TRABD2A: variants seen among roughly 807,000 people sequenced by gnomAD.
TRABD2A encodes the protein TraB domain containing 2A, also known as metalloprotease TIKI1.
Under a neutral mutation model 45.6 loss-of-function variants are expected in TRABD2A, and 43 were observed. The observed-to-expected ratio is 0.94, with a 90% CI of 0.74 to 1.22. TRABD2A has a LOEUF of 1.22. Among genes scored for constraint, TRABD2A ranks in the 50% most tolerant of loss-of-function variants. The pLI, the probability that TRABD2A is intolerant of heterozygous loss-of-function variation, is 0.00. For missense variants in TRABD2A, 642 were observed against 652.4 expected, an observed-to-expected ratio of 0.98 and a Z score of 0.17; for synonymous variants, 269 against 265.0, an observed-to-expected ratio of 1.02 and a Z score of -0.15.
At chr2:84,841,179 C>T (rs1438479978) in intron 3 of TRABD2A, among the ~76,000 whole-genome samples, 1 of 152,212 alleles carries the variant, frequency 6.6e-6, no homozygotes, top group Admixed American at 6.5e-5. Context: ...GGCGAAGGCA[C>T]CATGGCTTGT....
chr2:84,872,290 C>T (rs1682891725), intron 1 of TRABD2A, among the ~76,000 whole-genome samples: 1 of 152,204 alleles, frequency 6.6e-6, no homozygotes, highest in African/African-American at 2.4e-5. Context: ...AGGCAGATCA[C>T]TTGAGCTCAG....
chr2:84,832,725 G>A (rs1014205782), intron 4 of TRABD2A: 37 of 152,618 alleles, frequency 2.4e-4, no homozygotes, highest in Admixed American at 1.1e-3. Context: ...ACTTGAACCC[G>A]GGAGGCAGAG....
chr2:84,868,771 G>A (rs1200661579), intron 2 of TRABD2A, among the ~76,000 whole-genome samples: 1 of 152,142 alleles, frequency 6.6e-6, no homozygotes, highest in Non-Finnish European at 1.5e-5. Flanking sequence ...TTCCCCAATT[G>A]GGAGTATGAA....
At chr2:84,866,032 C>G (rs1190641258) in intron 2 of TRABD2A, among the ~76,000 whole-genome samples, 2 of 152,202 alleles carry the variant, frequency 1.3e-5, no homozygotes, top group African/African-American at 4.8e-5. Flanking sequence ...CCTGAGATGA[C>G]AAGATCAAAT....
intron 5 of TRABD2A, among the ~76,000 whole-genome samples, chr2:84,826,483 G>A (rs1487305821): frequency 6.6e-6 from 1 of 152,146 alleles, no homozygotes; most frequent in Admixed American, 6.5e-5. Context: ...TGAAGACCAG[G>A]GGGAGGAAAC....
chr2:84,842,043 G>A, intron 2 of TRABD2A, 36 bp from the exon 3 acceptor site: 1 of 1,444,120 alleles, frequency 6.9e-7, no homozygotes, highest in South Asian at 1.5e-5. Context: ...CACTAACAAG[G>A]CAACTGTTTG....
At chr2:84,877,259 A>T (rs1330646011) in intron 1 of TRABD2A, among the ~76,000 whole-genome samples, 1 of 151,858 alleles carries the variant, frequency 6.6e-6, no homozygotes, top group African/African-American at 2.4e-5. Context: ...TGCCTCTCTC[A>T]TACTGATATC....
intron 4 of TRABD2A, chr2:84,836,995 T>TG (rs1681536589): frequency 6.9e-6 from 1 of 143,988 alleles, no homozygotes; most frequent in Non-Finnish European, 1.5e-5. Context: ...GGTTTTTTTT[T>TG]TTTTTTTTTT....
At chr2:84,878,855 T>G (rs1234579028) in intron 1 of TRABD2A, among the ~76,000 whole-genome samples, 1 of 152,208 alleles carries the variant, frequency 6.6e-6, no homozygotes, top group Non-Finnish European at 1.5e-5. Flanking sequence ...ATACAGCATG[T>G]GTGCCGCTGA....
chr2:84,826,952 A>G lies in TRABD2A; in HGVS notation c.1083-2748T>C, dbSNP rs371029021. On this transcript the variant is annotated intron_variant, in intron 5 of 6. Coordinates refer to ENST00000409520, the MANE Select transcript of TRABD2A (RefSeq NM_001277053.2). The stretch of plus-strand genomic sequence containing the variant: ...ATTAGTGTCACTGTAATCTCCAGGG[A>G]GATCCTACAGACAAATGCTCACATG... Among the ~76,000 whole-genome samples the G allele has an allele frequency of 4.5e-4, 69 of 152,366 alleles. 1 individual carries two copies. The highest frequency in any genetic ancestry group is 1.6e-3 in the African/African-American group (66 of 41,578).
chr2:84,851,315 C>A (rs1295463399), intron 2 of TRABD2A, among the ~76,000 whole-genome samples: 1 of 152,156 alleles, frequency 6.6e-6, no homozygotes, highest in African/African-American at 2.4e-5. Context: ...TGAGGCTTAC[C>A]TGAAAGAGGC....
intron 5 of TRABD2A, among the ~76,000 whole-genome samples, chr2:84,829,617 AACACAACG>A (rs1681262113): frequency 6.7e-6 from 1 of 148,958 alleles, no homozygotes; most frequent in African/African-American, 2.5e-5. Context: ...CACACACCAC[AACACAACG>A]CAAACCCCAC....
At chr2:84,860,495 C>CT (rs1375340694) in intron 2 of TRABD2A, among the ~76,000 whole-genome samples, 3 of 152,220 alleles carry the variant, frequency 2.0e-5, no homozygotes, top group Admixed American at 1.3e-4. Context: ...AATTCTCAGA[C>CT]TTCTAGCCTC....
At chr2:84,859,956 G>A (rs779718550) in intron 2 of TRABD2A, among the ~76,000 whole-genome samples, 5 of 151,916 alleles carry the variant, frequency 3.3e-5, no homozygotes, top group African/African-American at 9.7e-5. Context: ...AGATGGGGGG[G>A]GGTCTCACTA....
chr2:84,866,805 C>A (rs1387625767), intron 2 of TRABD2A, among the ~76,000 whole-genome samples: 1 of 152,042 alleles, frequency 6.6e-6, no homozygotes, highest in African/African-American at 2.4e-5. Context: ...TACACTGAGG[C>A]CAGGTGTGGC....
intron 2 of TRABD2A, among the ~76,000 whole-genome samples, chr2:84,854,403 G>C (rs774019576): frequency 6.6e-6 from 1 of 152,258 alleles, no homozygotes; most frequent in East Asian, 1.9e-4. Flanking sequence ...TATGCACTGG[G>C]CACTTTACAA....
Position 84,880,986 on chromosome 2 carries a change from G to A in TRABD2A, c.54C>T (p.Gly18=). Reference sequence around the variant, plus strand: ...CGGGCGCCCCGCGCCGCGAAGCTGCGCCCGTGGGCAGGAGGCAGAGGGTCT... The same window carrying A: ...CGGGCGCCCCGCGCCGCGAAGCTGCACCCGTGGGCAGGAGGCAGAGGGTCT... The part of the protein sequence containing the change: ...LLQTLCLLPT[G]AASRRGAPGT... The change falls in exon 1 of 7, where the codon GGC becomes GGT. Residue 18 remains glycine (G), a synonymous_variant. Coordinates refer to ENST00000409520, the MANE Select transcript of TRABD2A (RefSeq NM_001277053.2). The A allele has an allele frequency of 2.5e-6, 4 of 1,604,956 alleles. No individual in the cohort carries two copies. The highest frequency in any genetic ancestry group is 3.4e-6 in the Non-Finnish European group (4 of 1,176,590).
At chr2:84,847,560 G>A (rs1381413244) in intron 2 of TRABD2A, among the ~76,000 whole-genome samples, 2 of 152,200 alleles carry the variant, frequency 1.3e-5, no homozygotes, top group African/African-American at 4.8e-5. Flanking sequence ...CAGGTGCCAT[G>A]AGCAGTATGC....
intron 2 of TRABD2A, among the ~76,000 whole-genome samples, chr2:84,852,468 G>A (rs1559092184): frequency 1.3e-5 from 2 of 152,136 alleles, no homozygotes; most frequent in Non-Finnish European, 2.9e-5. Flanking sequence ...CCGCAGAGTT[G>A]AGGGAGGATG....
Sources: gnomAD v4.1 joint callset for allele counts (sites outside exome capture counted in the v4.1 genomes callset) on GRCh38, gnomAD v4.1.1 for gene constraint, MANE v1.5 for transcripts, NCBI Gene and HGNC (gene_info 2026-07-23, HGNC 2026-07-21) for gene names.